PRKN: variants seen among roughly 807,000 people sequenced by gnomAD.
The protein encoded by PRKN is parkin RBR E3 ubiquitin protein ligase, also known as E3 ubiquitin-protein ligase parkin.
PRKN carries 56 observed loss-of-function variants against 59.5 expected under a neutral mutation model. The ratio of observed to expected loss-of-function variants is 0.94; its 90% CI spans 0.76 to 1.18. PRKN has a LOEUF of 1.18. Ranked by LOEUF, PRKN falls within the 50% of genes most tolerant of loss-of-function variation. PRKN has a pLI of 0.00. For synonymous variants in PRKN, 250 were observed against 222.1 expected (o/e 1.13, Z -1.12); for missense variants, 657 against 596.4 (o/e 1.10, Z -1.06).
Position 161,428,090 on chromosome 6 carries a change from G to T in PRKN, c.1084-41213C>A, listed in dbSNP as rs979934598. On this transcript the variant is annotated intron_variant, in intron 9 of 11. Coordinates refer to ENST00000366898, the MANE Select transcript of PRKN (RefSeq NM_004562.3). The surrounding 1 kb of genome is among the most constrained non-coding windows in gnomAD (Gnocchi z 4.0). ...CTCGGCATTTGGACACAGCTCACACGCATGAGTGATGCTCTTCCACCTGCA... is the reference window on the plus strand; with the variant it reads ...CTCGGCATTTGGACACAGCTCACACTCATGAGTGATGCTCTTCCACCTGCA... 6.6e-6 allele frequency among the ~76,000 whole-genome samples: 1 copy of T among 152,142 alleles called. No individual in the cohort carries two copies. The highest frequency in any genetic ancestry group is 2.4e-5 in the African/African-American group (1 of 41,430).
At chr6:161,589,668 T>A (rs1781645737) in intron 7 of PRKN, among the ~76,000 whole-genome samples, 2 of 152,142 alleles carry the variant, frequency 1.3e-5, no homozygotes, top group Non-Finnish European at 2.9e-5. Flanking sequence ...CATAGAGATG[T>A]TTGTCTTATT....
chr6:162,219,237 C>A (rs545499662), intron 3 of PRKN, among the ~76,000 whole-genome samples: 1 of 152,236 alleles, frequency 6.6e-6, no homozygotes, highest in Admixed American at 6.5e-5. Context: ...AAAGACTTCA[C>A]TTGCTCTGAC....
At position 162,658,674 on chromosome 6, in the gene PRKN, GAAAAAAA is replaced by G. The variant is rs749187156; in HGVS notation, c.7+68981_7+68987del. Among the ~76,000 whole-genome samples, 265 of 97,130 alleles carry G rather than the reference GAAAAAAA, an allele frequency of 2.7e-3. 3 individuals are homozygous for G. The highest frequency in any genetic ancestry group is 9.9e-3 in the African/African-American group (259 of 26,068). 63.7% of individuals were successfully genotyped at this position (97,130 alleles called of 152,430 possible). ...AGACTCTGTCAAAAAAAAAAAAAAA[GAAAAAAA>G]AAAGAAAAAAGAAAAAGAAAAAGAA... is the stretch of plus-strand genomic sequence containing the variant. On this transcript the variant is annotated intron_variant, in intron 1 of 11. Transcript: ENST00000366898.
intron 2 of PRKN, among the ~76,000 whole-genome samples, chr6:162,311,798 T>C (rs949879161): frequency 1.3e-5 from 2 of 152,070 alleles, no homozygotes; most frequent in Non-Finnish European, 2.9e-5. Context: ...TCATAGGGCA[T>C]AGTACATCTC....
At chr6:162,577,703 A>C (rs1284052449) in intron 1 of PRKN, among the ~76,000 whole-genome samples, 1 of 152,186 alleles carries the variant, frequency 6.6e-6, no homozygotes, top group Non-Finnish European at 1.5e-5. Flanking sequence ...CCAAGAGAGA[A>C]GGATTACTCG....
At chr6:162,723,483 C>T (rs535983932) in intron 1 of PRKN, among the ~76,000 whole-genome samples, 31 of 152,132 alleles carry the variant, frequency 2.0e-4, no homozygotes, top group Admixed American at 1.8e-3. Context: ...GGTGGGGGAC[C>T]GGAGATCCAG....
At chr6:161,531,908 C>T (rs546830946) in intron 9 of PRKN, among the ~76,000 whole-genome samples, 9 of 152,030 alleles carry the variant, frequency 5.9e-5, no homozygotes, top group African/African-American at 2.2e-4. Context: ...ACAATGGATC[C>T]CACTTTTAGG....
intron 1 of PRKN, among the ~76,000 whole-genome samples, chr6:162,483,655 A>G (rs939632988): frequency 1.3e-5 from 2 of 152,186 alleles, no homozygotes; most frequent in Admixed American, 6.5e-5. Context: ...AAAACAAGCC[A>G]TCTCACAGAT....
intron 1 of PRKN, among the ~76,000 whole-genome samples, chr6:162,644,326 A>G (rs796940151): frequency 1.3e-5 from 2 of 152,160 alleles, no homozygotes; most frequent in South Asian, 4.1e-4. Context: ...CCACCAGTCC[A>G]GACCACACTT....
At chr6:162,046,747 G>A (rs1784265168) in intron 5 of PRKN, among the ~76,000 whole-genome samples, 1 of 152,134 alleles carries the variant, frequency 6.6e-6, no homozygotes. Context: ...ACAGAAAAAG[G>A]AGAATTAAAT....
chr6:162,025,365 C>T (rs1286432307), intron 5 of PRKN, among the ~76,000 whole-genome samples: 1 of 151,996 alleles, frequency 6.6e-6, no homozygotes, highest in Admixed American at 6.6e-5. Flanking sequence ...TCTCATTTGA[C>T]CATCAAATCT....
At chr6:162,314,067 A>C (rs1376554213) in intron 2 of PRKN, among the ~76,000 whole-genome samples, 1 of 152,104 alleles carries the variant, frequency 6.6e-6, no homozygotes, top group East Asian at 1.9e-4. Flanking sequence ...ACCCAAGTCA[A>C]GACACAAAGA....
At chr6:162,021,438 AATAT>A (rs1193427302) in intron 5 of PRKN, among the ~76,000 whole-genome samples, 28 of 120,780 alleles carry the variant, frequency 2.3e-4, no homozygotes, top group African/African-American at 7.2e-4. Flanking sequence ...CATTACAGGG[AATAT>A]ATATATATAT....
chr6:162,674,139 C>T (rs1372396397), intron 1 of PRKN, among the ~76,000 whole-genome samples: 1 of 152,178 alleles, frequency 6.6e-6, no homozygotes, highest in East Asian at 1.9e-4. Flanking sequence ...TGACTGTATG[C>T]AAAAGATACC....
At chr6:162,208,205 T>C (rs1785040690) in intron 3 of PRKN, among the ~76,000 whole-genome samples, 1 of 152,204 alleles carries the variant, frequency 6.6e-6, no homozygotes, top group South Asian at 2.1e-4. Flanking sequence ...AATAGGTTAT[T>C]ACACCCAACT....
intron 5 of PRKN, among the ~76,000 whole-genome samples, chr6:161,975,821 C>T (rs537665705): frequency 1.2e-4 from 18 of 152,312 alleles, no homozygotes; most frequent in East Asian, 5.8e-4. Context: ...CTCGCAAGAC[C>T]GCTGCTGTGG....
chr6:161,716,921 C>T (rs1787007585), intron 7 of PRKN, among the ~76,000 whole-genome samples: 1 of 152,158 alleles, frequency 6.6e-6, no homozygotes. Flanking sequence ...ACAAGATGAG[C>T]CTGGTAACCA....
intron 3 of PRKN, among the ~76,000 whole-genome samples, chr6:162,248,186 G>T (rs1376045451): frequency 6.6e-6 from 1 of 152,146 alleles, no homozygotes; most frequent in Non-Finnish European, 1.5e-5. Context: ...GGTTCAGTTT[G>T]TGTACATGAA....
chr6:162,133,171 A>G (rs1583078660), intron 4 of PRKN, among the ~76,000 whole-genome samples: 1 of 152,340 alleles, frequency 6.6e-6, no homozygotes, highest in East Asian at 1.9e-4. Flanking sequence ...CATTCTAGAC[A>G]TTGAAGACTG....
Sources: allele counts gnomAD v4.1 joint callset (sites outside exome capture counted in the v4.1 genomes callset), GRCh38; gene constraint gnomAD v4.1.1; non-coding constraint Gnocchi (gnomAD v3.1); transcripts MANE v1.5; gene names NCBI Gene and HGNC (gene_info 2026-07-23, HGNC 2026-07-21).